The following MAGI1 variants were observed in gnomAD, a reference collection of about 807,000 sequenced individuals.
MAGI1 encodes the protein membrane associated guanylate kinase, WW and PDZ domain containing 1.
MAGI1 carries 58 observed loss-of-function variants against 139.9 expected under a neutral mutation model. That is an observed-to-expected ratio of 0.41 (90% CI 0.34 to 0.52). The LOEUF is 0.52. MAGI1 is among the 20% of genes least tolerant of loss of function. The probability of loss-of-function intolerance (pLI) is 0.12; values close to 1 mark genes in which losing one functional copy is unlikely to be tolerated. For synonymous variants in MAGI1, 812 were observed against 737.9 expected (o/e 1.10, Z -1.63); for missense variants, 1,874 against 1,901.6 (o/e 0.99, Z 0.27).
intron 1 of MAGI1, among the ~76,000 whole-genome samples, chr3:65,797,310 C>T (rs11131040): frequency 0.26 from 39,376 of 151,986 alleles, 5,870 homozygotes; most frequent in East Asian, 0.41. Context: ...TTAATAGGGG[C>T]AGGATACCTG....
chr3:65,622,207 C>A, intron 1 of MAGI1, 119 bp from the exon 2 acceptor site: 2 of 741,922 alleles, frequency 2.7e-6, no homozygotes, highest in South Asian at 3.1e-5. Context: ...CACCCCTAGT[C>A]ATTAGGAGGA....
intron 2 of MAGI1, among the ~76,000 whole-genome samples, chr3:65,548,636 C>A (rs1269477257): frequency 6.6e-6 from 1 of 150,510 alleles, no homozygotes; most frequent in Non-Finnish European, 1.5e-5. Context: ...TATTCTCCTG[C>A]CTCAGCCTCC....
chr3:65,862,634 T>C (rs2059593174), intron 1 of MAGI1, among the ~76,000 whole-genome samples: 1 of 152,188 alleles, frequency 6.6e-6, no homozygotes, highest in Admixed American at 6.5e-5. Context: ...ATGAGACCAT[T>C]TCAGGCTTGG....
intron 1 of MAGI1, among the ~76,000 whole-genome samples, chr3:65,843,154 A>G (rs1354195538): frequency 1.3e-5 from 2 of 152,206 alleles, no homozygotes; most frequent in Non-Finnish European, 2.9e-5. Flanking sequence ...TGTCACTTCT[A>G]AGATAATGTT....
chr3:65,621,617 T>A (rs908734586), intron 2 of MAGI1, among the ~76,000 whole-genome samples: 6 of 152,170 alleles, frequency 3.9e-5, no homozygotes, highest in African/African-American at 1.4e-4. Flanking sequence ...AATGTTAACA[T>A]TTATGGAGGC....
At chr3:65,810,433 A>C (rs2041153083) in intron 1 of MAGI1, among the ~76,000 whole-genome samples, 1 of 152,264 alleles carries the variant, frequency 6.6e-6, no homozygotes, top group South Asian at 2.1e-4. Flanking sequence ...ACAGACTGTT[A>C]AATGAAACAT....
intron 2 of MAGI1, among the ~76,000 whole-genome samples, chr3:65,576,719 A>C (rs1462696643): frequency 3.9e-5 from 6 of 152,156 alleles, no homozygotes; most frequent in Non-Finnish European, 1.5e-5. Flanking sequence ...CTATTGACTA[A>C]GCTCAGGTCA....
intron 15 of MAGI1, among the ~76,000 whole-genome samples, chr3:65,382,432 C>G (rs1943122943): frequency 6.6e-6 from 1 of 152,134 alleles, no homozygotes; most frequent in African/African-American, 2.4e-5. Flanking sequence ...ATTAATATTA[C>G]TTTTATTTAA....
chr3:65,840,695 G>T (rs1302114441), intron 1 of MAGI1, among the ~76,000 whole-genome samples: 7 of 152,196 alleles, frequency 4.6e-5, no homozygotes, highest in East Asian at 1.9e-4. Context: ...TGGTGTGGGT[G>T]GGGGGTGGCC....
intron 12 of MAGI1, among the ~76,000 whole-genome samples, chr3:65,411,437 T>C (rs1427270320): frequency 2.6e-5 from 4 of 152,214 alleles, no homozygotes; most frequent in Non-Finnish European, 5.9e-5. Flanking sequence ...GGTGGCCTGA[T>C]AGCCCCATGC....
intron 2 of MAGI1, among the ~76,000 whole-genome samples, chr3:65,618,363 T>G (rs1050359812): frequency 6.6e-6 from 1 of 152,170 alleles, no homozygotes; most frequent in African/African-American, 2.4e-5. Flanking sequence ...TAAGATAAAC[T>G]TAGATATGCT....
chr3:65,642,311 G>A (rs1342125218), intron 1 of MAGI1, among the ~76,000 whole-genome samples: 1 of 152,136 alleles, frequency 6.6e-6, no homozygotes, highest in Admixed American at 6.5e-5. Context: ...AAGCCCTTCA[G>A]TGCTCACAAG....
intron 1 of MAGI1, among the ~76,000 whole-genome samples, chr3:65,963,313 T>TAAA (rs760893715): frequency 5.8e-5 from 6 of 104,198 alleles, no homozygotes; most frequent in African/African-American, 2.7e-4. Flanking sequence ...CTCTGTCTCT[T>TAAA]AAAAAAAAAA....
intron 2 of MAGI1, among the ~76,000 whole-genome samples, chr3:65,509,898 G>A (rs1463396150): frequency 6.6e-6 from 1 of 152,152 alleles, no homozygotes; most frequent in Non-Finnish European, 1.5e-5. Flanking sequence ...AGACTTAAGT[G>A]TCCCTGTCTG....
At chr3:65,989,799 A>C (rs2066070052) in intron 1 of MAGI1, among the ~76,000 whole-genome samples, 1 of 152,198 alleles carries the variant, frequency 6.6e-6, no homozygotes, top group African/African-American at 2.4e-5. Flanking sequence ...CAGCTTCCCA[A>C]AGTGCTGGGA....
At chr3:65,788,936 G>C (rs367575927) in intron 1 of MAGI1, among the ~76,000 whole-genome samples, 1 of 152,086 alleles carries the variant, frequency 6.6e-6, no homozygotes, top group Non-Finnish European at 1.5e-5. Flanking sequence ...CCAGTGTTTT[G>C]GGAGGCCAAT....
intron 1 of MAGI1, among the ~76,000 whole-genome samples, chr3:66,023,458 G>A (rs555820361): frequency 4.6e-5 from 7 of 152,248 alleles, no homozygotes; most frequent in African/African-American, 7.2e-5. Flanking sequence ...CAGCAAACCT[G>A]GTGCCCGACA....
At chr3:65,359,305 TCAGA>T (rs1164076101) in intron 22 of MAGI1, 14 of 1,451,538 alleles carry the variant, frequency 9.6e-6, no homozygotes, top group African/African-American at 2.9e-5. Flanking sequence ...ATTTGTCCAG[TCAGA>T]CAGTCTAAGG....
intron 12 of MAGI1, among the ~76,000 whole-genome samples, chr3:65,411,836 C>A (rs750323307): frequency 6.6e-6 from 1 of 152,078 alleles, no homozygotes; most frequent in Non-Finnish European, 1.5e-5. Flanking sequence ...TAAGACCCTG[C>A]CTGAGGCTTC....
Sources: allele counts gnomAD v4.1 joint callset (sites outside exome capture counted in the v4.1 genomes callset), GRCh38; gene constraint gnomAD v4.1.1; transcripts MANE v1.5; gene names NCBI Gene and HGNC (gene_info 2026-07-23, HGNC 2026-07-21).